CYP4A22: variants seen among roughly 807,000 people sequenced by gnomAD.
CYP4A22 encodes cytochrome P450 family 4 subfamily A member 22, also known as cytochrome P450 4A22.
CYP4A22 carries 46 observed loss-of-function variants against 56.2 expected under a neutral mutation model. The observed-to-expected ratio is 0.82, with a 90% CI of 0.65 to 1.05. The LOEUF is 1.05. Among genes scored for constraint, CYP4A22 ranks in the 50% least tolerant of loss-of-function variants. The pLI is 0.00. For synonymous variants in CYP4A22, 193 were observed against 251.1 expected (o/e 0.77, Z 2.19); for missense variants, 541 against 645.9 (o/e 0.84, Z 1.76).
At chr1:47,143,179 C>G in intron 4 of CYP4A22, 90 bp from the exon 5 acceptor site, 1 of 1,539,254 alleles carries the variant, frequency 6.5e-7, no homozygotes, top group East Asian at 2.3e-5. Context: ...CAGGAAAAAA[C>G]AAGATATCTG....
At chr1:47,143,168 A>G in intron 4 of CYP4A22, 101 bp from the exon 5 acceptor site, 1 of 1,531,808 alleles carries the variant, frequency 6.5e-7, no homozygotes, top group Non-Finnish European at 8.8e-7. Context: ...TCTGCAAGCT[A>G]CAGGAAAAAA....
intron 5 of CYP4A22, 60 bp from the exon 6 acceptor site, chr1:47,143,702 T>C: frequency 1.3e-6 from 2 of 1,534,928 alleles, no homozygotes; most frequent in South Asian, 2.6e-5. Flanking sequence ...TCAGACCCCA[T>C]TCTACTTCCG....
chr1:47,148,597 C>T lies in CYP4A22; in HGVS notation c.1365-5C>T. On this transcript the variant is annotated splice_region_variant and splice_polypyrimidine_tract_variant and intron_variant, in intron 11 of 11. Transcript: ENST00000371891. ...GTCTCAATTCATTGTCTCCGCCTGG[C>T]CCAGGAACTGCATCGGGAAACAATT... is the stretch of plus-strand genomic sequence containing the variant. The T allele has an allele frequency of 5.0e-6, 8 of 1,606,270 alleles. No individual in the cohort carries two copies. The highest frequency in any genetic ancestry group is 6.8e-6 in the Non-Finnish European group (8 of 1,175,736).
chr1:47,143,081 G>A (rs530296584), intron 4 of CYP4A22, among the ~76,000 whole-genome samples, 188 bp from the exon 5 acceptor site: 1 of 152,370 alleles, frequency 6.6e-6, no homozygotes, highest in South Asian at 2.1e-4. Context: ...TTAGGTGTCA[G>A]TTTACCAACA....
At chr1:47,143,736 G>A (rs560625520) in intron 5 of CYP4A22, 26 bp from the exon 6 acceptor site, 196 of 1,586,034 alleles carry the variant, frequency 1.2e-4, no homozygotes, top group East Asian at 8.7e-4. Flanking sequence ...CCCCTACTGC[G>A]GTCTCTTCTT....
At chr1:47,140,347 A>C (rs1193123179) in intron 1 of CYP4A22, among the ~76,000 whole-genome samples, 2 of 152,246 alleles carry the variant, frequency 1.3e-5, no homozygotes, top group Non-Finnish European at 2.9e-5. Flanking sequence ...TATTTACCAT[A>C]TATTCTGGGA....
intron 11 of CYP4A22, chr1:47,147,391 A>G (rs1344803243): frequency 2.0e-6 from 2 of 985,086 alleles, no homozygotes; most frequent in Non-Finnish European, 2.4e-6. Flanking sequence ...TTCAAATATT[A>G]AAGTATTTCT....
In CYP4A22 at chr1:47,148,641, G is replaced by A; in HGVS notation, c.1404G>A (p.Lys468=). ...IGKQFAMNQL[K]VARALTLLRF... is the part of the protein sequence containing the mutation. ...AACAATTTGCCATGAACCAGCTGAA[G>A]GTGGCCAGGGCCCTGACCCTGCTCC... The change falls in exon 12 of 12, where the codon AAG becomes AAA. Residue 468 remains lysine (K), a synonymous_variant. Coordinates refer to ENST00000371891, the MANE Select transcript of CYP4A22 (RefSeq NM_001010969.4). 1.2e-6 allele frequency: 2 copies of A among 1,613,266 alleles called. No homozygotes were observed. Among genetic ancestry groups the A allele is most frequent in the East Asian group, 4.5e-5 (2 of 44,870 alleles).
intron 1 of CYP4A22, among the ~76,000 whole-genome samples, 182 bp from the exon 2 acceptor site, chr1:47,140,598 G>C (rs1644996473): frequency 6.6e-6 from 1 of 152,166 alleles, no homozygotes; most frequent in South Asian, 2.1e-4. Flanking sequence ...AGGGCTCATA[G>C]CGCTTGGCCT....
At chr1:47,138,472 A>G (rs1045093576) in intron 1 of CYP4A22, among the ~76,000 whole-genome samples, 5 of 152,148 alleles carry the variant, frequency 3.3e-5, no homozygotes, top group African/African-American at 9.7e-5. Context: ...TGCCCCGGCA[A>G]TCAGCAAAAT....
intron 9 of CYP4A22, among the ~76,000 whole-genome samples, chr1:47,145,419 A>C (rs1645065257): frequency 6.6e-6 from 1 of 152,212 alleles, no homozygotes; most frequent in South Asian, 2.1e-4. Context: ...CAACTCCCCC[A>C]GTTCTGGTCC....
intron 11 of CYP4A22, among the ~76,000 whole-genome samples, chr1:47,148,028 G>C (rs551163058): frequency 6.6e-6 from 1 of 152,102 alleles, no homozygotes; most frequent in African/African-American, 2.4e-5. Flanking sequence ...ACAGGAGCCC[G>C]GACCCTGGGG....
chr1:47,138,867 C>G (rs1362358074), intron 1 of CYP4A22, among the ~76,000 whole-genome samples: 2 of 152,144 alleles, frequency 1.3e-5, no homozygotes, highest in South Asian at 4.1e-4. Flanking sequence ...GCAAGGTAAA[C>G]GGCTGCATGG....
At position 47,140,936 on chromosome 1, in the gene CYP4A22, C is replaced by G; in HGVS notation, c.337+15C>G. The G allele has an allele frequency of 6.2e-7, 1 of 1,613,008 alleles. No individual in the cohort carries two copies. The highest frequency in any genetic ancestry group is 1.1e-5 in the South Asian group (1 of 90,960). The stretch of plus-strand genomic sequence containing the variant: ...GGGGAGATCAGGTGAGATCGAACCC[C>G]CATCCCAACTGCAATTTCTCTTCCC... On this transcript the variant is annotated intron_variant, in intron 2 of 11. Transcript: ENST00000371891.
At position 47,144,339 on chromosome 1, in the gene CYP4A22, A is replaced by G. The variant is rs1166888044; in HGVS notation, c.791-18A>G. On this transcript the variant is annotated intron_variant, in intron 6 of 11. Coordinates refer to ENST00000371891, the MANE Select transcript of CYP4A22 (RefSeq NM_001010969.4). ...CTGACGGTCTCAGCTCTGCCTGGTAACCATTGTTCTGGTACAGACCAAGTG... is the reference window on the plus strand; with the variant it reads ...CTGACGGTCTCAGCTCTGCCTGGTAGCCATTGTTCTGGTACAGACCAAGTG... 4 of 1,610,644 alleles carry G rather than the reference A, an allele frequency of 2.5e-6. No homozygotes were observed. The East Asian group carries it at 6.7e-5, about 27-fold the overall frequency.
chr1:47,138,334 C>A (rs1292208947), intron 1 of CYP4A22, among the ~76,000 whole-genome samples: 2 of 152,172 alleles, frequency 1.3e-5, no homozygotes, highest in African/African-American at 2.4e-5. Context: ...GCAGCCTGCA[C>A]AATGTCCTCC....
At chr1:47,138,583 C>T (rs1400441092) in intron 1 of CYP4A22, among the ~76,000 whole-genome samples, 2 of 152,128 alleles carry the variant, frequency 1.3e-5, no homozygotes, top group African/African-American at 2.4e-5. Flanking sequence ...GAATGTGGCC[C>T]GACACAAATT....
At chr1:47,145,096 C>T in intron 9 of CYP4A22, 126 bp downstream of exon 9, 1 of 1,439,216 alleles carries the variant, frequency 6.9e-7, no homozygotes, top group East Asian at 2.4e-5. Context: ...ACATCAAAAA[C>T]ATACTTTGTA....
intron 4 of CYP4A22, 120 bp from the exon 5 acceptor site, chr1:47,143,149 A>G (rs1440394793): frequency 2.0e-5 from 30 of 1,515,574 alleles, no homozygotes; most frequent in Admixed American, 1.1e-4. Context: ...AAGAATCCCA[A>G]CCAAGATATC....
Sources: allele counts gnomAD v4.1 joint callset (sites outside exome capture counted in the v4.1 genomes callset), GRCh38; gene constraint gnomAD v4.1.1; transcripts MANE v1.5; gene names NCBI Gene and HGNC (gene_info 2026-07-23, HGNC 2026-07-21).